B3GAT2: variants seen among roughly 807,000 people sequenced by gnomAD.
B3GAT2 encodes the protein galactosylgalactosylxylosylprotein 3-beta-glucuronosyltransferase 2.
B3GAT2 carries 26 observed loss-of-function variants against 27.8 expected under a neutral mutation model. The observed-to-expected ratio is 0.93, with a 90% confidence interval of 0.68 to 1.30. The LOEUF (loss-of-function observed/expected upper bound fraction) is 1.30. Ranked by LOEUF, B3GAT2 falls within the 50% of genes most tolerant of loss-of-function variation. B3GAT2 has a pLI of 0.00. For missense variants in B3GAT2, 458 were observed against 459.0 expected, an observed-to-expected ratio of 1.00 and a Z score of 0.02; for synonymous variants, 218 against 195.1, an observed-to-expected ratio of 1.12 and a Z score of -0.98.
rs956650894 is a variant in B3GAT2, at chr6:70,904,370, A to G, written c.592-10098T>C. On this transcript the variant is annotated intron_variant, in intron 1 of 3. Transcript: ENST00000230053. ...CCTCAAGAAAGGTAATTCAAAATAAAAACAAAATAATTAGGTGGTTTCAAT... is the reference window on the plus strand; with the variant it reads ...CCTCAAGAAAGGTAATTCAAAATAAGAACAAAATAATTAGGTGGTTTCAAT... Among the ~76,000 whole-genome samples, 5 of 152,212 alleles carry G rather than the reference A, an allele frequency of 3.3e-5. No homozygotes were observed. The South Asian group carries it at 1.0e-3, about 31-fold the overall frequency.
chr6:70,861,726 T>TGTCC lies in B3GAT2; in HGVS notation c.905_908dup (p.Glu304AspfsTer5), dbSNP rs749286838. On this transcript the variant is annotated frameshift_variant, in exon 4 of 4. Coordinates refer to ENST00000230053, the MANE Select transcript of B3GAT2 (RefSeq NM_080742.3). LOFTEE classifies it high-confidence loss of function. ...GCTCGTTGGCTAGATTAACCTTCTC[T>TGTCC]GTCCGAGTGTGCCACACGAGAACCT... 8.1e-6 allele frequency: 13 copies of TGTCC among 1,613,988 alleles called. No homozygotes were observed. In the African/African-American group the frequency reaches 1.5e-4, roughly 18 times the overall value.
rs373975734 is a variant in B3GAT2, at chr6:70,947,939, T to G, written c.591+7900A>C. Among the ~76,000 whole-genome samples, 46 of 152,036 alleles carry G rather than the reference T, an allele frequency of 3.0e-4. No individual in the cohort carries two copies. The East Asian group carries it at 6.6e-3, about 22-fold the overall frequency. ...GGCTGGTTCAATATACGCAAATCAA[T>G]AAATGTAATCCAGCATATAAACAGA... On this transcript the variant is annotated intron_variant, in intron 1 of 3. Coordinates refer to ENST00000230053, the MANE Select transcript of B3GAT2 (RefSeq NM_080742.3).
chr6:70,946,999 TG>T (rs1366595800), intron 1 of B3GAT2, among the ~76,000 whole-genome samples: 2 of 151,592 alleles, frequency 1.3e-5, no homozygotes, highest in Non-Finnish European at 2.9e-5. Context: ...CATAACGAAA[TG>T]AAGGCAGAAA....
At chr6:70,927,191 A>AG (rs1432641127) in intron 1 of B3GAT2, among the ~76,000 whole-genome samples, 1 of 152,244 alleles carries the variant, frequency 6.6e-6, no homozygotes, top group Non-Finnish European at 1.5e-5. Flanking sequence ...AAACATGGAA[A>AG]GGAACAACCA....
At chr6:70,928,658 G>A (rs999789094) in intron 1 of B3GAT2, among the ~76,000 whole-genome samples, 18 of 152,140 alleles carry the variant, frequency 1.2e-4, no homozygotes, top group African/African-American at 4.3e-4. Flanking sequence ...TCCCTGAATA[G>A]ACCAATAACA....
Position 70,947,761 on chromosome 6 carries a change from G to A in B3GAT2, c.591+8078C>T, listed in dbSNP as rs576767600. On this transcript the variant is annotated intron_variant, in intron 1 of 3. Coordinates refer to ENST00000230053, the MANE Select transcript of B3GAT2 (RefSeq NM_080742.3). ...CCAGCATCATCCTGATACCAAAGCC[G>A]GGCAGAGACACAGCCAAAAAAGAGA... Among the ~76,000 whole-genome samples, 957 of 151,852 alleles carry A rather than the reference G, an allele frequency of 6.3e-3. 7 individuals are homozygous for A. Among genetic ancestry groups the A allele is most frequent in the Middle Eastern group, 0.041 (12 of 294 alleles).
chr6:70,871,557 G>T (rs991828997), intron 2 of B3GAT2, among the ~76,000 whole-genome samples: 1 of 151,830 alleles, frequency 6.6e-6, no homozygotes, highest in African/African-American at 2.4e-5. Context: ...TAAAATTTAT[G>T]TAAGGTTGGT....
chr6:70,926,652 G>A lies in B3GAT2; in HGVS notation c.591+29187C>T, dbSNP rs185200126. Among the ~76,000 whole-genome samples the A allele has an allele frequency of 5.3e-5, 8 of 152,296 alleles. No homozygotes were observed. The East Asian group carries it at 9.6e-4, about 18-fold the overall frequency. On this transcript the variant is annotated intron_variant, in intron 1 of 3. Transcript: ENST00000230053. ...AAAAGAGTAAAAAGAAATGAACAAA[G>A]TCTCCAAGAAATATGGGACTATGTG...
At chr6:70,878,235 T>C (rs1772045472) in intron 2 of B3GAT2, among the ~76,000 whole-genome samples, 1 of 152,216 alleles carries the variant, frequency 6.6e-6, no homozygotes. Context: ...CTTAAATCTG[T>C]CAGATTTAGA....
At chr6:70,944,789 T>C (rs1765451545) in intron 1 of B3GAT2, among the ~76,000 whole-genome samples, 2 of 152,214 alleles carry the variant, frequency 1.3e-5, no homozygotes, top group African/African-American at 4.8e-5. Context: ...CCCTGACCCC[T>C]GACCCCCGAG....
chr6:70,933,728 GAGC>G (rs1773096112), intron 1 of B3GAT2, among the ~76,000 whole-genome samples: 1 of 152,148 alleles, frequency 6.6e-6, no homozygotes, highest in Non-Finnish European at 1.5e-5. Context: ...TCAGCCAACA[GAGC>G]AGCACCTTGG....
In B3GAT2 at chr6:70,955,985, T is replaced by C; in HGVS notation, c.445A>G (p.Lys149Glu). ...GTGGCGCGCGGCAGCCCGGGCCGCT[T>C]GTAGCGCCGCGGCGTGGGCACGTGC... ...HLHVPTPRRY[K>E]RPGLPRATEQ... Residue 149 changes from lysine to glutamate, a missense_variant, in exon 1 of 4, where the codon AAG becomes GAG. Physicochemically the swap from Lys to Glu is moderately conservative, Grantham distance 56. Transcript: ENST00000230053. 6.8e-7 allele frequency: 1 copy of C among 1,460,420 alleles called. No homozygotes were observed. 90.5% of individuals were successfully genotyped at this position (1,460,420 alleles called of 1,614,324 possible).
intron 1 of B3GAT2, among the ~76,000 whole-genome samples, chr6:70,895,818 CACTA>C (rs971721152): frequency 1.3e-4 from 19 of 149,310 alleles, no homozygotes; most frequent in African/African-American, 4.7e-4. Flanking sequence ...TGCTAACTCA[CACTA>C]ACTTTTACAA....
chr6:70,910,288 G>C (rs1772669578), intron 1 of B3GAT2, among the ~76,000 whole-genome samples: 1 of 152,052 alleles, frequency 6.6e-6, no homozygotes, highest in African/African-American at 2.4e-5. Flanking sequence ...CAGGTAATAA[G>C]CATATTAGGT....
At chr6:70,886,429 A>G (rs1034607175) in intron 2 of B3GAT2, among the ~76,000 whole-genome samples, 3 of 152,224 alleles carry the variant, frequency 2.0e-5, no homozygotes, top group African/African-American at 7.2e-5. Flanking sequence ...ATCCTGATAG[A>G]AAGGAAAACT....
intron 1 of B3GAT2, among the ~76,000 whole-genome samples, chr6:70,915,484 C>G (rs1772757263): frequency 6.6e-6 from 1 of 152,116 alleles, no homozygotes; most frequent in Non-Finnish European, 1.5e-5. Context: ...TTTGCCCATG[C>G]CTATGCACTG....
At chr6:70,870,969 A>G (rs1468968237) in intron 2 of B3GAT2, among the ~76,000 whole-genome samples, 1 of 152,062 alleles carries the variant, frequency 6.6e-6, no homozygotes, top group Non-Finnish European at 1.5e-5. Flanking sequence ...AGAATGCTGA[A>G]TTTTGTCAGG....
intron 1 of B3GAT2, among the ~76,000 whole-genome samples, chr6:70,934,690 T>C (rs945344997): frequency 6.6e-6 from 1 of 152,202 alleles, no homozygotes; most frequent in Non-Finnish European, 1.5e-5. Flanking sequence ...TTCAAAAAAC[T>C]GAGAAACACT....
chr6:70,956,882 G>C lies in B3GAT2; in HGVS notation c.-453C>G. 9.8e-7 allele frequency: 1 copy of C among 1,021,354 alleles called. No individual in the cohort carries two copies. Among genetic ancestry groups the C allele is most frequent in the Non-Finnish European group, 1.2e-6 (1 of 853,722 alleles). 63.3% of individuals were successfully genotyped at this position (1,021,354 alleles called of 1,614,324 possible). A position where few individuals can be genotyped will look rare whatever the true frequency, so the allele number is the denominator to read the frequency against. ...CGCGGGCCCCCAGGACGCTCTCTGG[G>C]ACGCCTTCGAGGGCGGGCGGCGGCG... On this transcript the variant is annotated 5_prime_UTR_variant, in exon 1 of 4. Transcript: ENST00000230053.
Sources: gnomAD v4.1 joint callset for allele counts (sites outside exome capture counted in the v4.1 genomes callset) on GRCh38, gnomAD v4.1.1 for gene constraint, MANE v1.5 for transcripts, NCBI Gene and HGNC (gene_info 2026-07-23, HGNC 2026-07-21) for gene names.